PXDN: variants seen among roughly 807,000 people sequenced by gnomAD.
PXDN encodes peroxidasin homolog.
In PXDN, 77 loss-of-function variants were observed where a neutral mutation model predicts 140.3. That is an observed-to-expected ratio of 0.55 (90% CI 0.46 to 0.66). The LOEUF is 0.66. Among genes scored for constraint, PXDN ranks in the 30% least tolerant of loss-of-function variants. PXDN has a pLI of 0.00. For missense variants in PXDN, 1,838 were observed against 2,039.5 expected (o/e 0.90, Z 1.90); for synonymous variants, 911 against 857.4 (o/e 1.06, Z -1.09).
chr2:1,644,903 T>A (rs1035340412), intron 17 of PXDN, among the ~76,000 whole-genome samples, 151 bp from the exon 18 acceptor site: 23 of 152,224 alleles, frequency 1.5e-4, no homozygotes, highest in Admixed American at 1.3e-3. Context: ...CTTTGCTGCA[T>A]CTCTCCACAA....
intron 7 of PXDN, 111 bp from the exon 8 acceptor site, chr2:1,677,155 G>T: frequency 1.0e-6 from 1 of 980,806 alleles, no homozygotes; most frequent in Non-Finnish European, 1.5e-6. Flanking sequence ...GATGCCCAAA[G>T]GTGTAATTCA....
intron 1 of PXDN, among the ~76,000 whole-genome samples, chr2:1,713,351 T>C (rs1193410582): frequency 1.3e-5 from 2 of 152,214 alleles, no homozygotes; most frequent in Admixed American, 1.3e-4. Context: ...CAGCCTGGCC[T>C]CCGGGCTTCC....
chr2:1,660,303 C>T lies in PXDN; in HGVS notation c.1837+578G>A, dbSNP rs1016508712. Among the ~76,000 whole-genome samples, 7 of 152,130 alleles carry T rather than the reference C, an allele frequency of 4.6e-5. No individual in the cohort carries two copies. Among genetic ancestry groups the T allele is most frequent in the African/African-American group, 1.7e-4 (7 of 41,514 alleles). ...AACCCGGACAAGATGCCAAGGGCCTCGGGGTGAGTGGGATGGAAGTGGTGG... is the reference window on the plus strand; with the variant it reads ...AACCCGGACAAGATGCCAAGGGCCTTGGGGTGAGTGGGATGGAAGTGGTGG... On this transcript the variant is annotated intron_variant, in intron 14 of 22. Coordinates refer to ENST00000252804, the MANE Select transcript of PXDN (RefSeq NM_012293.3). This position sits in a 1 kb window ranked among gnomAD's most constrained non-coding sequence, Gnocchi z 4.6.
intron 22 of PXDN, 112 bp downstream of exon 22, chr2:1,635,296 T>C (rs888874275): frequency 2.3e-6 from 2 of 859,572 alleles, no homozygotes; most frequent in African/African-American, 3.4e-5. Flanking sequence ...CCAGCACAGG[T>C]AGGCGGGGAG....
At chr2:1,663,426 T>C (rs554147466) in intron 12 of PXDN, among the ~76,000 whole-genome samples, 179 bp downstream of exon 12, 6 of 152,256 alleles carry the variant, frequency 3.9e-5, no homozygotes, top group Middle Eastern at 3.4e-3. Context: ...GGGACAGAGA[T>C]TGAATGAGCT....
At chr2:1,744,831 G>A (rs1379048258), upstream of PXDN, 1 of 186,162 alleles carries the variant, frequency 5.4e-6, no homozygotes, top group Non-Finnish European at 1.1e-5. Context: ...GCTCACTACG[G>A]GTTTTTTAGT....
chr2:1,703,463 A>G (rs1303409601), intron 1 of PXDN, among the ~76,000 whole-genome samples: 10 of 9,826 alleles, frequency 1.0e-3, no homozygotes, highest in East Asian at 1.6e-3. Flanking sequence ...GGTGAAGGAG[A>G]GACAACTCCA....
chr2:1,726,437 G>C (rs1222509755), intron 1 of PXDN, among the ~76,000 whole-genome samples: 1 of 143,578 alleles, frequency 7.0e-6, no homozygotes, highest in Non-Finnish European at 1.5e-5. Flanking sequence ...GTGGGGTCGG[G>C]GGAGGGGGGG....
At position 1,672,985 on chromosome 2, in the gene PXDN, C is replaced by T. The variant is rs74363815; in HGVS notation, c.1018+658G>A. 5.5e-4 allele frequency among the ~76,000 whole-genome samples: 83 copies of T among 152,270 alleles called. 1 individual carries two copies. The East Asian group carries it at 0.015, about 28-fold the overall frequency. On this transcript the variant is annotated intron_variant, in intron 9 of 22. Coordinates refer to ENST00000252804, the MANE Select transcript of PXDN (RefSeq NM_012293.3). ...TCCAGAGGCATGAACTGATCTGTAT[C>T]ATTTCCCAGAGCCATGGTGGGTACA... is the stretch of plus-strand genomic sequence containing the variant.
rs1682445634 is a variant in PXDN at position 1,632,824 on chromosome 2, A to T, written c.*1380T>A. The T allele has an allele frequency of 6.6e-6, 1 of 151,896 alleles. No individual in the cohort carries two copies. Among genetic ancestry groups the T allele is most frequent in the Non-Finnish European group, 1.5e-5 (1 of 67,972 alleles). The allele number at this position is 151,896 out of a possible 1,614,324, so 9.4% of individuals were successfully genotyped here. A position where few individuals can be genotyped will look rare whatever the true frequency, so the allele number is the denominator to read the frequency against. ...CCTGACCTCAGGGGCTCCCTCCACC[A>T]CCTCAGCTGGGCCTTGCTGCGGGCA... On this transcript the variant is annotated 3_prime_UTR_variant, in exon 23 of 23. Coordinates refer to ENST00000252804, the MANE Select transcript of PXDN (RefSeq NM_012293.3). This position sits in a 1 kb window ranked among gnomAD's most constrained non-coding sequence, Gnocchi z 4.3.
rs79454387 is a variant in PXDN at position 1,708,547 on chromosome 2, G to A, written c.201-15413C>T. Among the ~76,000 whole-genome samples the A allele has an allele frequency of 0.018, 2,665 of 152,208 alleles. 253 individuals carry two copies. In the East Asian group the frequency reaches 0.3, roughly 17 times the overall value. ...CTTTACAGAGGCAGAAACAGAGGCC[G>A]GGGAGGTTCCGCCCTGACCCACGAT... On this transcript the variant is annotated intron_variant, in intron 1 of 22. Transcript: ENST00000252804.
chr2:1,653,704 T>C lies in PXDN; in HGVS notation c.2028A>G (p.Gly676=). ...GCTGCAATGTCCGTTCAAAGATTTC[T>C]CCCGCCCGTGCCTGTTCAACTGTGT... The part of the protein sequence containing the change: ...DPYTVEQARA[G]EIFERTLQLI... The change falls in exon 16 of 23, where the codon GGA becomes GGG. Residue 676 remains glycine (G), a synonymous_variant. Transcript: ENST00000252804. The C allele has an allele frequency of 6.2e-7, 1 of 1,607,580 alleles. No individual in the cohort carries two copies. The highest frequency in any genetic ancestry group is 8.5e-7 in the Non-Finnish European group (1 of 1,177,162).
chr2:1,648,750 G>C lies in PXDN; in HGVS notation c.3030C>G (p.Asp1010Glu), dbSNP rs753323541. The C allele has an allele frequency of 6.2e-7, 1 of 1,603,388 alleles. No homozygotes were observed. The highest frequency in any genetic ancestry group is 1.7e-5 in the Admixed American group (1 of 58,756). ...TELLKLNPHW[D>E]GDTIYYETRK... Reference sequence around the variant, plus strand: ...TGGTCTCATAGTAGATGGTGTCGCCGTCCCAGTGCGGGTTCAGCTTGAGCA... The same window carrying C: ...TGGTCTCATAGTAGATGGTGTCGCCCTCCCAGTGCGGGTTCAGCTTGAGCA... Residue 1010 changes from aspartate to glutamate, a missense_variant, in exon 17 of 23, where the codon GAC (aspartate) becomes GAG (glutamate). Physicochemically the swap from Asp to Glu is conservative, Grantham distance 45. Coordinates refer to ENST00000252804, the MANE Select transcript of PXDN (RefSeq NM_012293.3). This position sits in a 1 kb window ranked among gnomAD's most constrained non-coding sequence, Gnocchi z 8.9.
intron 1 of PXDN, among the ~76,000 whole-genome samples, chr2:1,716,554 G>A (rs1409246530): frequency 1.3e-5 from 2 of 151,992 alleles, no homozygotes; most frequent in African/African-American, 4.8e-5. Context: ...GGTGGTTAAG[G>A]AGGACTAGCG....
chr2:1,635,467 C>A lies in PXDN; in HGVS notation c.4261G>T (p.Glu1421Ter). The change falls in exon 22 of 23, where the codon GAA becomes TAA. Residue 1421 changes from glutamate (E) to a stop codon, truncating the protein, a stop_gained. Transcript: ENST00000252804. LOFTEE classifies it high-confidence loss of function. ...STTECVDAGG[E>*]SHANNTKWKK... is the part of the protein sequence containing the mutation. Reference sequence around the variant, plus strand: ...CACTTGGTGTTGTTGGCGTGAGATTCGCCCCCGGCATCCACGCACTCTGTG... The same window carrying A: ...CACTTGGTGTTGTTGGCGTGAGATTAGCCCCCGGCATCCACGCACTCTGTG... 6.2e-7 allele frequency: 1 copy of A among 1,602,478 alleles called. No homozygotes were observed.
At chr2:1,669,344 A>G (rs1683521675) in intron 9 of PXDN, among the ~76,000 whole-genome samples, 1 of 152,192 alleles carries the variant, frequency 6.6e-6, no homozygotes, top group Non-Finnish European at 1.5e-5. Context: ...ACAAATATCC[A>G]ATGCCTGTCG....
At chr2:1,727,477 G>A (rs1401970839) in intron 1 of PXDN, among the ~76,000 whole-genome samples, 1 of 152,228 alleles carries the variant, frequency 6.6e-6, no homozygotes, top group African/African-American at 2.4e-5. Flanking sequence ...GGGAAGCCGA[G>A]GCTTCAAGGG....
In PXDN at chr2:1,714,504, G is replaced by A. The variant is rs992705369; in HGVS notation, c.201-21370C>T. 6.6e-6 allele frequency among the ~76,000 whole-genome samples: 1 copy of A among 152,192 alleles called. No individual in the cohort carries two copies. Among genetic ancestry groups the A allele is most frequent in the African/African-American group, 2.4e-5 (1 of 41,540 alleles). The stretch of plus-strand genomic sequence containing the variant: ...CGCCCAGCAATGACCGCGGGTCCAC[G>A]CTCAGGGAAATGCCCCTCCCACAGC... On this transcript the variant is annotated intron_variant, in intron 1 of 22. Transcript: ENST00000252804. This position sits in a 1 kb window ranked among gnomAD's most constrained non-coding sequence, Gnocchi z 4.3.
In PXDN at chr2:1,648,064, A is replaced by C. The variant is rs913736170; in HGVS notation, c.3608+108T>G. 1.3e-5 allele frequency: 19 copies of C among 1,428,886 alleles called. No homozygotes were observed. Among genetic ancestry groups the C allele is most frequent in the Admixed American group, 8.0e-5 (4 of 50,198 alleles). 88.5% of individuals were successfully genotyped at this position (1,428,886 alleles called of 1,614,324 possible). On this transcript the variant is annotated intron_variant, in intron 17 of 22. Transcript: ENST00000252804. This position sits in a 1 kb window ranked among gnomAD's most constrained non-coding sequence, Gnocchi z 8.9. ...GACTTGACCTTCATCTCACCTCTGCACGACACGAACAAAACTCACACACAG... is the reference window on the plus strand; with the variant it reads ...GACTTGACCTTCATCTCACCTCTGCCCGACACGAACAAAACTCACACACAG...
Sources: gnomAD v4.1 joint callset for allele counts (sites outside exome capture counted in the v4.1 genomes callset) on GRCh38, gnomAD v4.1.1 for gene constraint, Gnocchi (gnomAD v3.1) non-coding constraint, MANE v1.5 for transcripts, NCBI Gene and HGNC (gene_info 2026-07-23, HGNC 2026-07-21) for gene names.